Variants in MAP2K1 observed in about 807,000 individuals in gnomAD.
The protein encoded by MAP2K1 is dual specificity mitogen-activated protein kinase kinase 1.
Under a neutral mutation model 46.3 loss-of-function variants are expected in MAP2K1, and 16 were observed. The ratio of observed to expected loss-of-function variants is 0.35; its 90% confidence interval spans 0.23 to 0.52. The LOEUF (loss-of-function observed/expected upper bound fraction) is 0.52. Among genes scored for constraint, MAP2K1 ranks in the 20% least tolerant of loss-of-function variants. The pLI is 0.94. For missense variants in MAP2K1, 263 were observed against 497.1 expected, an observed-to-expected ratio of 0.53 and a Z score of 4.48; for synonymous variants, 183 against 185.6, an observed-to-expected ratio of 0.99 and a Z score of 0.11.
At chr15:66,454,131 G>T (rs1203911667) in intron 5 of MAP2K1, among the ~76,000 whole-genome samples, 2 of 152,182 alleles carry the variant, frequency 1.3e-5, no homozygotes, top group Admixed American at 1.3e-4. Context: ...AGCAAGAGGG[G>T]GTAAACCCTA....
intron 1 of MAP2K1, among the ~76,000 whole-genome samples, chr15:66,410,206 C>T (rs2093407955): frequency 1.3e-5 from 2 of 152,334 alleles, no homozygotes; most frequent in Non-Finnish European, 2.9e-5. Flanking sequence ...GAGTCTATGG[C>T]ATGTTCAGTT....
At chr15:66,403,137 G>A (rs1055627163) in intron 1 of MAP2K1, among the ~76,000 whole-genome samples, 10 of 152,198 alleles carry the variant, frequency 6.6e-5, no homozygotes, top group Admixed American at 2.6e-4. Context: ...GTGGAAGGAG[G>A]TGGTTGAGCT....
chr15:66,447,235 TTC>T (rs1891894391), intron 5 of MAP2K1, among the ~76,000 whole-genome samples: 2 of 151,708 alleles, frequency 1.3e-5, no homozygotes, highest in Non-Finnish European at 2.9e-5. Context: ...GACGTCCCCC[TTC>T]TCTCCCCTAG....
At chr15:66,415,062 G>T in intron 1 of MAP2K1, 1 of 505,270 alleles carries the variant, frequency 2.0e-6, no homozygotes, top group South Asian at 1.4e-5. Context: ...TGCACTGCTT[G>T]TAGTACCAGT....
intron 1 of MAP2K1, among the ~76,000 whole-genome samples, chr15:66,396,745 C>A (rs1276386942): frequency 6.6e-6 from 1 of 151,874 alleles, no homozygotes; most frequent in Non-Finnish European, 1.5e-5. Flanking sequence ...AGTGCAATGG[C>A]GTGATCTCGG....
chr15:66,429,112 A>G (rs769486896), intron 1 of MAP2K1, among the ~76,000 whole-genome samples: 1 of 152,098 alleles, frequency 6.6e-6, no homozygotes, highest in African/African-American at 2.4e-5. Flanking sequence ...GACATAGTGT[A>G]TTAGTCTGTT....
chr15:66,405,788 G>C (rs1260547684), intron 1 of MAP2K1, among the ~76,000 whole-genome samples: 1 of 152,216 alleles, frequency 6.6e-6, no homozygotes, highest in Non-Finnish European at 1.5e-5. Context: ...CAAAGGAAAT[G>C]AAATATATTT....
intron 5 of MAP2K1, among the ~76,000 whole-genome samples, chr15:66,454,352 G>A (rs767707821): frequency 6.6e-6 from 1 of 152,212 alleles, no homozygotes; most frequent in African/African-American, 2.4e-5. Flanking sequence ...GCTACTTGTT[G>A]TGTAACCTTG....
At chr15:66,471,302 C>G (rs75460644) in intron 5 of MAP2K1, among the ~76,000 whole-genome samples, 1,971 of 152,282 alleles carry the variant, frequency 0.013, 37 homozygotes, top group African/African-American at 0.045. Context: ...TCCCTCCAAG[C>G]TGCAAGAGCC....
intron 1 of MAP2K1, among the ~76,000 whole-genome samples, chr15:66,433,252 CT>C (rs1373577995): frequency 6.6e-6 from 1 of 152,184 alleles, no homozygotes; most frequent in Non-Finnish European, 1.5e-5. Context: ...ATAGCCGAAC[CT>C]TGGATGAAAA....
intron 5 of MAP2K1, among the ~76,000 whole-genome samples, chr15:66,449,003 CAAAA>C (rs59398424): frequency 6.3e-4 from 30 of 47,950 alleles, no homozygotes; most frequent in African/African-American, 2.1e-3. Context: ...GACACTGTCT[CAAAA>C]AAAAAAAAAA....
intron 1 of MAP2K1, among the ~76,000 whole-genome samples, chr15:66,422,415 T>C (rs534261391): frequency 6.6e-6 from 1 of 152,282 alleles, no homozygotes; most frequent in Non-Finnish European, 1.5e-5. Flanking sequence ...ATATCTTCTG[T>C]TGTGGAGTAT....
chr15:66,411,222 A>G (rs750804223), intron 1 of MAP2K1, among the ~76,000 whole-genome samples: 3 of 152,124 alleles, frequency 2.0e-5, no homozygotes, highest in Admixed American at 1.3e-4. Flanking sequence ...GGGGCCTGGC[A>G]TGAAGGAAGT....
chr15:66,466,662 A>G (rs1338838027), intron 5 of MAP2K1, among the ~76,000 whole-genome samples: 4 of 152,226 alleles, frequency 2.6e-5, no homozygotes, highest in African/African-American at 9.6e-5. Flanking sequence ...CCTGGGCAAC[A>G]GAGCGAGACT....
chr15:66,481,712 A>T (rs977599374), intron 5 of MAP2K1, 43 bp from the exon 6 acceptor site: 8 of 1,605,138 alleles, frequency 5.0e-6, no homozygotes, highest in African/African-American at 1.3e-5. Context: ...TCCCCAATCT[A>T]CCTGTGTCAG....
rs1329505690 is a variant in MAP2K1 at position 66,435,055 on chromosome 15, C to T, written c.109C>T (p.Leu37=). 1 of 1,614,070 alleles carries T rather than the reference C, an allele frequency of 6.2e-7. No homozygotes were observed. The highest frequency in any genetic ancestry group is 1.1e-5 in the South Asian group (1 of 91,074). The change falls in exon 2 of 11, where the codon CTG becomes TTG. Residue 37 remains leucine, a synonymous_variant. Transcript: ENST00000307102. ...ETNLEALQKK[L]EELELDEQQR... is the part of the protein sequence containing the mutation. ...CAACTTGGAGGCCTTGCAGAAGAAG[C>T]TGGAGGAGCTAGAGCTTGATGAGCA... is the stretch of plus-strand genomic sequence containing the variant.
chr15:66,437,089 C>G (rs1021954265), intron 3 of MAP2K1, among the ~76,000 whole-genome samples, 197 bp downstream of exon 3: 1 of 152,194 alleles, frequency 6.6e-6, no homozygotes, highest in African/African-American at 2.4e-5. Flanking sequence ...AGGTCCTTGC[C>G]TCTCTTGAAG....
chr15:66,482,522 C>T (rs1331114693), intron 6 of MAP2K1, among the ~76,000 whole-genome samples: 11 of 152,188 alleles, frequency 7.2e-5, no homozygotes. Context: ...GAGGGTATTT[C>T]CTCCTGCTCC....
intron 1 of MAP2K1, among the ~76,000 whole-genome samples, chr15:66,420,986 CAT>C (rs1292837881): frequency 6.8e-5 from 9 of 131,536 alleles, no homozygotes; most frequent in Non-Finnish European, 7.9e-5. Context: ...CATACACACA[CAT>C]ACATACATAT....
Sources: gnomAD v4.1 joint callset for allele counts (sites outside exome capture counted in the v4.1 genomes callset) on GRCh38, gnomAD v4.1.1 for gene constraint, MANE v1.5 for transcripts, NCBI Gene and HGNC (gene_info 2026-07-23, HGNC 2026-07-21) for gene names.